CA10: variants seen among roughly 807,000 people sequenced by gnomAD.
CA10 encodes the protein carbonic anhydrase 10 (inactive).
A neutral mutation model predicts 44.2 loss-of-function variants in CA10; 14 were observed. The observed-to-expected ratio is 0.32, with a 90% confidence interval of 0.21 to 0.50. The LOEUF (loss-of-function observed/expected upper bound fraction) is 0.50, where lower values mean the gene tolerates loss of function less well. CA10 is among the 20% of genes least tolerant of loss of function. The probability of loss-of-function intolerance (pLI) is 0.99; values close to 1 mark genes in which losing one functional copy is unlikely to be tolerated. For synonymous variants in CA10, 159 were observed against 141.6 expected (o/e 1.12, Z -0.87); for missense variants, 350 against 409.7 (o/e 0.85, Z 1.26).
intron 1 of CA10, among the ~76,000 whole-genome samples, chr17:52,127,340 C>T (rs971292686): frequency 6.6e-6 from 1 of 151,374 alleles, no homozygotes; most frequent in East Asian, 2.0e-4. Flanking sequence ...CTACAGTTTA[C>T]CTACCCCATT....
intron 3 of CA10, among the ~76,000 whole-genome samples, chr17:51,808,614 G>A (rs1269947897): frequency 6.6e-6 from 1 of 152,156 alleles, no homozygotes; most frequent in Non-Finnish European, 1.5e-5. Flanking sequence ...TGACAGGAAA[G>A]GCTCAAGTGA....
intron 4 of CA10, among the ~76,000 whole-genome samples, chr17:51,692,189 G>C (rs1915219389): frequency 2.0e-5 from 3 of 147,572 alleles, no homozygotes; most frequent in Admixed American, 2.0e-4. Context: ...TGTTTTATAG[G>C]TTTCCTTGTA....
intron 1 of CA10, among the ~76,000 whole-genome samples, chr17:52,074,138 G>A (rs1170393621): frequency 6.6e-6 from 1 of 152,154 alleles, no homozygotes; most frequent in Admixed American, 6.6e-5. Flanking sequence ...AGAAACCTGT[G>A]AGATCAGATA....
chr17:51,741,733 G>A (rs1294785173), intron 4 of CA10, among the ~76,000 whole-genome samples: 1 of 152,162 alleles, frequency 6.6e-6, no homozygotes, highest in East Asian at 1.9e-4. Context: ...GGTTTACCAA[G>A]GTCATTTATT....
intron 3 of CA10, among the ~76,000 whole-genome samples, chr17:51,812,767 A>G (rs1408523680): frequency 2.0e-5 from 3 of 152,162 alleles, no homozygotes; most frequent in African/African-American, 7.2e-5. Context: ...CCTGAGTCCC[A>G]CCTGCTCTCA....
intron 3 of CA10, among the ~76,000 whole-genome samples, chr17:51,920,272 G>A (rs1050221977): frequency 6.6e-6 from 1 of 152,122 alleles, no homozygotes; most frequent in African/African-American, 2.4e-5. Context: ...GAAGGCACAT[G>A]TTCCTTGGTC....
intron 3 of CA10, among the ~76,000 whole-genome samples, chr17:51,908,798 C>T (rs996201245): frequency 7.9e-5 from 12 of 152,172 alleles, no homozygotes; most frequent in African/African-American, 2.9e-4. Context: ...CCCAGAGCGT[C>T]ACCACTTATA....
At chr17:52,048,334 A>C (rs1242616126) in intron 2 of CA10, among the ~76,000 whole-genome samples, 1 of 152,072 alleles carries the variant, frequency 6.6e-6, no homozygotes, top group Non-Finnish European at 1.5e-5. Flanking sequence ...AGAAAGAAGC[A>C]GCTGAGAGCG....
chr17:51,830,950 T>TAATTTTGCCATTACTTTC (rs745506151), intron 3 of CA10, among the ~76,000 whole-genome samples: 128 of 152,284 alleles, frequency 8.4e-4, no homozygotes, highest in Non-Finnish European at 1.1e-3. Context: ...CCATTGAAAG[T>TAATTTTGCCATTACTTTC]AATGGCAAAA....
intron 1 of CA10, among the ~76,000 whole-genome samples, chr17:52,154,101 C>G (rs1288832329): frequency 6.6e-6 from 1 of 152,176 alleles, no homozygotes; most frequent in Non-Finnish European, 1.5e-5. Context: ...TTGTAATCAT[C>G]TAAAACTTTT....
intron 2 of CA10, among the ~76,000 whole-genome samples, chr17:52,070,185 G>A (rs1446577825): frequency 6.6e-6 from 1 of 152,182 alleles, no homozygotes; most frequent in East Asian, 1.9e-4. Flanking sequence ...AAAGGCTTTA[G>A]ACCTGTTAAA....
chr17:52,105,414 C>A (rs1163249101), intron 1 of CA10, among the ~76,000 whole-genome samples: 1 of 152,088 alleles, frequency 6.6e-6, no homozygotes, highest in Non-Finnish European at 1.5e-5. Flanking sequence ...GCCACCACAC[C>A]CGGCTAATTT....
At chr17:51,960,500 A>T (rs73348625) in intron 2 of CA10, among the ~76,000 whole-genome samples, 5,885 of 152,266 alleles carry the variant, frequency 0.039, 386 homozygotes, top group African/African-American at 0.13. Flanking sequence ...TGAAAACAAC[A>T]AGTAAAACAA....
chr17:51,682,024 T>C (rs1314996300), intron 4 of CA10, among the ~76,000 whole-genome samples: 1 of 152,234 alleles, frequency 6.6e-6, no homozygotes. Flanking sequence ...CCAAGCTCTA[T>C]GGTCTGTAAA....
chr17:51,635,015 C>T lies in CA10; in HGVS notation c.789+840G>A, dbSNP rs542049826. On this transcript the variant is annotated intron_variant, in intron 7 of 8. Coordinates refer to ENST00000451037, the MANE Select transcript of CA10 (RefSeq NM_020178.5). ...TTAAACCCAGGCATATGGGTTGAAT[C>T]GTGTACCCCTGAAATTCATAAGCTG... Among the ~76,000 whole-genome samples the T allele has an allele frequency of 1.3e-4, 20 of 152,254 alleles. No homozygotes were observed. The East Asian group carries it at 2.1e-3, about 16-fold the overall frequency.
chr17:51,800,268 C>T (rs1406275318), intron 3 of CA10, among the ~76,000 whole-genome samples: 1 of 152,036 alleles, frequency 6.6e-6, no homozygotes, highest in Non-Finnish European at 1.5e-5. Flanking sequence ...CGTATGATTC[C>T]ATTTATGTAA....
At chr17:51,824,044 TC>T (rs1907918577) in intron 3 of CA10, among the ~76,000 whole-genome samples, 1 of 152,134 alleles carries the variant, frequency 6.6e-6, no homozygotes, top group South Asian at 2.1e-4. Flanking sequence ...CATTGCTCTC[TC>T]AAACTAAGAT....
intron 1 of CA10, among the ~76,000 whole-genome samples, chr17:52,076,533 C>T (rs1023136735): frequency 6.6e-6 from 1 of 152,036 alleles, no homozygotes; most frequent in African/African-American, 2.4e-5. Flanking sequence ...CTGGAAGAGC[C>T]CATTTGATGT....
intron 2 of CA10, among the ~76,000 whole-genome samples, chr17:52,001,160 G>A (rs1474668505): frequency 6.6e-6 from 1 of 151,936 alleles, no homozygotes; most frequent in Non-Finnish European, 1.5e-5. Context: ...CCAGCCTGAG[G>A]CCTGTTTCTG....
Sources: gnomAD v4.1 joint callset for allele counts (sites outside exome capture counted in the v4.1 genomes callset) on GRCh38, gnomAD v4.1.1 for gene constraint, MANE v1.5 for transcripts, NCBI Gene and HGNC (gene_info 2026-07-23, HGNC 2026-07-21) for gene names.